GJC1: variants seen among roughly 807,000 people sequenced by gnomAD.
GJC1 encodes gap junction protein gamma 1.
GJC1 carries 5 observed loss-of-function variants against 29.3 expected under a neutral mutation model. The ratio of observed to expected loss-of-function variants is 0.17; its 90% CI spans 0.09 to 0.36. The LOEUF is 0.36. Ranked by LOEUF, GJC1 falls within the 10% of genes least tolerant of loss-of-function variation. The probability of loss-of-function intolerance (pLI) is 1.00; values close to 1 mark genes in which losing one functional copy is unlikely to be tolerated. For missense variants in GJC1, 310 were observed against 496.2 expected, an observed-to-expected ratio of 0.62 and a Z score of 3.56; for synonymous variants, 177 against 183.3, an observed-to-expected ratio of 0.97 and a Z score of 0.28.
At chr17:44,806,525 G>A (rs1334549449) in intron 2 of GJC1, among the ~76,000 whole-genome samples, 2 of 149,988 alleles carry the variant, frequency 1.3e-5, no homozygotes, top group African/African-American at 4.9e-5. Flanking sequence ...TCAGCCTCCC[G>A]AGTATCTGGG....
At chr17:44,821,247 T>C (rs1230263739) in intron 1 of GJC1, among the ~76,000 whole-genome samples, 1 of 152,188 alleles carries the variant, frequency 6.6e-6, no homozygotes, top group African/African-American at 2.4e-5. Context: ...AACAGGACAA[T>C]ATTGGAACAT....
rs1270556582 is a variant in GJC1 at position 44,800,410 on chromosome 17, A to G, written c.*4217T>C. On this transcript the variant is annotated 3_prime_UTR_variant, in exon 3 of 3. Coordinates refer to ENST00000592524, the MANE Select transcript of GJC1 (RefSeq NM_005497.4). ...GGCGTGAGCCACCATGCCTGGCCAA[A>G]ACCTTTGATTTTTAAAAAGGCGTTT... The G allele has an allele frequency of 6.6e-6, 1 of 152,148 alleles. No individual in the cohort carries two copies. The highest frequency in any genetic ancestry group is 2.4e-5 in the African/African-American group (1 of 41,422). 9.4% of individuals were successfully genotyped at this position (152,148 alleles called of 1,614,324 possible).
rs1275086781 is a variant in GJC1, at chr17:44,811,380, CCTTTTTT to C, written c.-96-3918_-96-3912del. Reference sequence around the variant, plus strand: ...TACAGGCGTGAGCCACTGCACCTGGCCTTTTTTCTTTTTTTTTTTTTTTTTTGAGACA... The same window carrying C: ...TACAGGCGTGAGCCACTGCACCTGGCCTTTTTTTTTTTTTTTTTTGAGACA... On this transcript the variant is annotated intron_variant, in intron 1 of 2. Coordinates refer to ENST00000592524, the MANE Select transcript of GJC1 (RefSeq NM_005497.4). Among the ~76,000 whole-genome samples the C allele has an allele frequency of 9.2e-4, 139 of 150,362 alleles. 1 individual carries two copies. The highest frequency in any genetic ancestry group is 3.4e-3 in the African/African-American group (137 of 40,890).
chr17:44,826,969 C>T (rs2050182879), intron 1 of GJC1, among the ~76,000 whole-genome samples: 1 of 152,098 alleles, frequency 6.6e-6, no homozygotes, highest in Admixed American at 6.6e-5. Context: ...ACGATATCAG[C>T]CAAAATCTAT....
At chr17:44,825,094 G>A (rs2050158246) in intron 1 of GJC1, among the ~76,000 whole-genome samples, 1 of 145,832 alleles carries the variant, frequency 6.9e-6, no homozygotes, top group African/African-American at 2.5e-5. Flanking sequence ...GTGGGCCTGT[G>A]GTCCCAGCTA....
At position 44,804,470 on chromosome 17, in the gene GJC1, G is replaced by T; in HGVS notation, c.*157C>A. 2 of 618,520 alleles carry T rather than the reference G, an allele frequency of 3.2e-6. No individual in the cohort carries two copies. Among genetic ancestry groups the T allele is most frequent in the Non-Finnish European group, 2.8e-6 (1 of 350,896 alleles). The allele number at this position is 618,520 out of a possible 1,614,324, so 38.3% of individuals were successfully genotyped here. A position where few individuals can be genotyped will look rare whatever the true frequency, so the allele number is the denominator to read the frequency against. ...ACTGTGTTTCCCTTTCTCTCCCTCA[G>T]CCCAGCCCCGCCTCCAGAGTCCCCT... On this transcript the variant is annotated 3_prime_UTR_variant, in exon 3 of 3. Coordinates refer to ENST00000592524, the MANE Select transcript of GJC1 (RefSeq NM_005497.4).
At chr17:44,816,622 CA>C (rs955775894) in intron 1 of GJC1, among the ~76,000 whole-genome samples, 1 of 152,066 alleles carries the variant, frequency 6.6e-6, no homozygotes, top group African/African-American at 2.4e-5. Context: ...CTGCCTCAGT[CA>C]GCTTCTCGAG....
chr17:44,820,511 G>T (rs567152885), intron 1 of GJC1, among the ~76,000 whole-genome samples: 7 of 152,166 alleles, frequency 4.6e-5, no homozygotes, highest in Non-Finnish European at 4.4e-5. Context: ...AAAGTCTAGG[G>T]ATAGGAGAAA....
downstream of GJC1, chr17:44,797,551 G>C (rs564460432): frequency 6.6e-6 from 1 of 152,274 alleles, no homozygotes; most frequent in Non-Finnish European, 1.5e-5. Flanking sequence ...AAGGATACTG[G>C]ATTGTACAGA....
intron 1 of GJC1, among the ~76,000 whole-genome samples, chr17:44,818,506 G>A (rs943464440): frequency 1.6e-4 from 13 of 81,596 alleles, no homozygotes; most frequent in Non-Finnish European, 2.8e-4. Flanking sequence ...ATAGTCTCAT[G>A]TTAAAAAAAA....
At position 44,821,964 on chromosome 17, in the gene GJC1, G is replaced by A. The variant is rs1233032824; in HGVS notation, c.-97+8098C>T. 1.4e-4 allele frequency among the ~76,000 whole-genome samples: 22 copies of A among 151,870 alleles called. No individual in the cohort carries two copies. The South Asian group carries it at 3.5e-3, about 24-fold the overall frequency. ...TGTAATCCTAGCACTTTGGGAGGCC[G>A]AGGCAGGTGGATCACAAGGTCAGGA... On this transcript the variant is annotated intron_variant, in intron 1 of 2. Transcript: ENST00000592524.
intron 1 of GJC1, among the ~76,000 whole-genome samples, chr17:44,827,393 A>C (rs2050187783): frequency 6.6e-6 from 1 of 152,208 alleles, no homozygotes; most frequent in African/African-American, 2.4e-5. Context: ...ATTTTTATCA[A>C]ATATTTTGAA....
chr17:44,803,305 A>C lies in GJC1; in HGVS notation c.*1322T>G, dbSNP rs2049873558. 1.3e-5 allele frequency: 2 copies of C among 152,224 alleles called. No homozygotes were observed. The highest frequency in any genetic ancestry group is 2.9e-5 in the Non-Finnish European group (2 of 68,038). The allele number at this position is 152,224 out of a possible 1,614,324, so 9.4% of individuals were successfully genotyped here. On this transcript the variant is annotated 3_prime_UTR_variant, in exon 3 of 3. Transcript: ENST00000592524. ...GCTCACAAAACTTAAGACAATGTGA[A>C]CATGATGAGAAAGCAAAGCTCTCCA...
downstream of GJC1, among the ~76,000 whole-genome samples, chr17:44,796,790 C>CA: frequency 6.7e-6 from 1 of 148,706 alleles, no homozygotes; most frequent in South Asian, 2.1e-4. Context: ...TGTAGGTCTG[C>CA]AATGGATCTA....
chr17:44,822,052 C>A (rs1048589592), intron 1 of GJC1, among the ~76,000 whole-genome samples: 3 of 150,950 alleles, frequency 2.0e-5, no homozygotes, highest in Non-Finnish European at 3.0e-5. Context: ...AAAAAATTAG[C>A]CGGGCATGGT....
Position 44,804,366 on chromosome 17 carries a change from T to C in GJC1, c.*261A>G, listed in dbSNP as rs2049886873. 2.3e-6 allele frequency: 1 copy of C among 431,922 alleles called. No homozygotes were observed. Among genetic ancestry groups the C allele is most frequent in the Non-Finnish European group, 4.1e-6 (1 of 244,272 alleles). 26.8% of individuals were successfully genotyped at this position (431,922 alleles called of 1,614,324 possible). A position where few individuals can be genotyped will look rare whatever the true frequency, so the allele number is the denominator to read the frequency against. On this transcript the variant is annotated 3_prime_UTR_variant, in exon 3 of 3. Transcript: ENST00000592524. ...GTTCAACAAGAATGATTTAAATATG[T>C]CTGTTCTTCTCCAGATCTGGAAGAC... is the stretch of plus-strand genomic sequence containing the variant.
chr17:44,797,406 A>G (rs2049790584), downstream of GJC1, among the ~76,000 whole-genome samples: 1 of 152,216 alleles, frequency 6.6e-6, no homozygotes, highest in Admixed American at 6.5e-5. Context: ...TCTAACAAGT[A>G]GTCCAATGGT....
intron 1 of GJC1, among the ~76,000 whole-genome samples, chr17:44,808,601 AAC>A (rs1457779411): frequency 2.0e-5 from 3 of 151,876 alleles, no homozygotes. Context: ...CAACAACAAC[AAC>A]ACACACCCCC....
chr17:44,811,764 G>A (rs2049985434), intron 1 of GJC1, among the ~76,000 whole-genome samples: 1 of 152,058 alleles, frequency 6.6e-6, no homozygotes. Context: ...AGCACTTTGG[G>A]AGGCTGAGAC....
Sources: gnomAD v4.1 joint callset for allele counts (sites outside exome capture counted in the v4.1 genomes callset) on GRCh38, gnomAD v4.1.1 for gene constraint, MANE v1.5 for transcripts, NCBI Gene and HGNC (gene_info 2026-07-23, HGNC 2026-07-21) for gene names.